Variants in NAALADL2 observed in about 807,000 individuals in gnomAD.
The protein encoded by NAALADL2 is N-acetylated alpha-linked acidic dipeptidase like 2.
A neutral mutation model predicts 87.2 loss-of-function variants in NAALADL2; 76 were observed. The observed-to-expected ratio is 0.87, with a 90% CI of 0.72 to 1.05. The LOEUF is 1.05. Among genes scored for constraint, NAALADL2 ranks in the 50% least tolerant of loss-of-function variants. The pLI, the probability that NAALADL2 is intolerant of heterozygous loss-of-function variation, is 0.00. For missense variants in NAALADL2, 1,089 were observed against 945.8 expected, an observed-to-expected ratio of 1.15 and a Z score of -1.99; for synonymous variants, 354 against 331.0, an observed-to-expected ratio of 1.07 and a Z score of -0.75.
intron 3 of NAALADL2, among the ~76,000 whole-genome samples, chr3:175,249,962 G>A (rs1313450522): frequency 6.6e-6 from 1 of 152,096 alleles, no homozygotes; most frequent in Non-Finnish European, 1.5e-5. Flanking sequence ...CTGAGGTCGG[G>A]AGTTCGAGAC....
At chr3:175,604,052 T>A (rs9844386) in intron 10 of NAALADL2, among the ~76,000 whole-genome samples, 113,120 of 151,994 alleles carry the variant, frequency 0.74, 42,379 homozygotes, top group East Asian at 0.88. Context: ...TTCTTTGGGG[T>A]ATATATCCAG....
chr3:175,133,353 T>C (rs1728524399), intron 2 of NAALADL2, among the ~76,000 whole-genome samples: 1 of 152,142 alleles, frequency 6.6e-6, no homozygotes, highest in Non-Finnish European at 1.5e-5. Context: ...CTCGGCACTT[T>C]GGGAGGCCAA....
intron 1 of NAALADL2, among the ~76,000 whole-genome samples, chr3:174,998,105 C>A (rs779147257): frequency 2.0e-5 from 3 of 152,120 alleles, no homozygotes; most frequent in Non-Finnish European, 4.4e-5. Context: ...TAGCAAATTA[C>A]TTAATTTGTT....
intron 2 of NAALADL2, among the ~76,000 whole-genome samples, chr3:175,185,769 C>T (rs943588004): frequency 5.2e-4 from 78 of 150,000 alleles, no homozygotes; most frequent in African/African-American, 1.7e-3. Flanking sequence ...ATTATATAAG[C>T]CTTTTGTATA....
intron 2 of NAALADL2, among the ~76,000 whole-genome samples, chr3:174,579,339 A>C (rs1715901950): frequency 6.6e-6 from 1 of 152,012 alleles, no homozygotes; most frequent in Non-Finnish European, 1.5e-5. Flanking sequence ...TGGATAAACA[A>C]TTTGTGCCAT....
chr3:175,256,753 T>G (rs1175627936), intron 4 of NAALADL2: 1 of 308,910 alleles, frequency 3.2e-6, no homozygotes, highest in African/African-American at 2.2e-5. Context: ...ATGCCCTTAT[T>G]TCTTTAGAGA....
chr3:175,199,856 ATATATATATTTTTTTTTTTTTTTT>A (rs1699409669), intron 2 of NAALADL2, among the ~76,000 whole-genome samples: 1 of 19,434 alleles, frequency 5.1e-5, no homozygotes, highest in Admixed American at 7.3e-4. Context: ...ATATATATAT[ATATATATATTTTTTTTTTTTTTTT>A]TTTTTTTTTT....
chr3:174,929,763 A>G (rs961009709), intron 1 of NAALADL2, among the ~76,000 whole-genome samples: 1 of 152,126 alleles, frequency 6.6e-6, no homozygotes, highest in African/African-American at 2.4e-5. Flanking sequence ...ATACATGAAA[A>G]TGAGCAGGCC....
At chr3:175,308,884 G>T (rs1336707068) in intron 4 of NAALADL2, among the ~76,000 whole-genome samples, 1 of 152,108 alleles carries the variant, frequency 6.6e-6, no homozygotes, top group Non-Finnish European at 1.5e-5. Flanking sequence ...AATTCTTTCT[G>T]TTCTTAATTG....
intron 2 of NAALADL2, among the ~76,000 whole-genome samples, chr3:174,704,694 TAAAA>T (rs562259278): frequency 2.7e-5 from 4 of 149,782 alleles, no homozygotes; most frequent in Non-Finnish European, 5.9e-5. Flanking sequence ...GGAAAATAGA[TAAAA>T]AAAAACTTCC....
chr3:174,539,977 GAAAAAAAAAA>G lies in NAALADL2; in HGVS notation c.-183-10571_-183-10562del, dbSNP rs57394560. 1.2e-3 allele frequency among the ~76,000 whole-genome samples: 59 copies of G among 51,206 alleles called. 1 individual carries two copies. The highest frequency in any genetic ancestry group is 3.5e-3 in the African/African-American group (56 of 15,852). The allele number at this position is 51,206 out of a possible 152,430, so 33.6% of individuals were successfully genotyped here. A position where few individuals can be genotyped will look rare whatever the true frequency, so the allele number is the denominator to read the frequency against. Reference sequence around the variant, plus strand: ...GCCAAGAGAGAATTAGGAAGTTCTGGAAAAAAAAAAAAAAAAAAAAAAAAAAAAAAGCTGC... The same window carrying G: ...GCCAAGAGAGAATTAGGAAGTTCTGGAAAAAAAAAAAAAAAAAAAAGCTGC... On this transcript the variant is annotated intron_variant, in intron 1 of 3. Transcript: ENST00000434257.
At chr3:175,569,136 A>G (rs1012386048) in intron 9 of NAALADL2, among the ~76,000 whole-genome samples, 1 of 152,162 alleles carries the variant, frequency 6.6e-6, no homozygotes, top group East Asian at 1.9e-4. Context: ...ACCCTTGGGC[A>G]TTAGGATCTT....
chr3:175,393,608 G>A (rs977453342), intron 5 of NAALADL2, among the ~76,000 whole-genome samples: 1 of 151,968 alleles, frequency 6.6e-6, no homozygotes, highest in Non-Finnish European at 1.5e-5. Context: ...CTCACCCTAT[G>A]CACTCTCTCA....
chr3:175,408,155 A>G (rs1712757813), intron 5 of NAALADL2, among the ~76,000 whole-genome samples: 1 of 152,116 alleles, frequency 6.6e-6, no homozygotes, highest in Non-Finnish European at 1.5e-5. Flanking sequence ...CATGTTGATC[A>G]AAGAGAACAA....
intron 5 of NAALADL2, among the ~76,000 whole-genome samples, chr3:175,340,613 A>C (rs149819748): frequency 2.6e-4 from 39 of 152,256 alleles, no homozygotes; most frequent in African/African-American, 9.4e-4. Flanking sequence ...TTGTGGCAGC[A>C]TGGCTTCTTC....
chr3:175,441,124 T>A (rs1022855912), intron 5 of NAALADL2, among the ~76,000 whole-genome samples: 2 of 151,966 alleles, frequency 1.3e-5, no homozygotes, highest in African/African-American at 4.8e-5. Flanking sequence ...AAATATACCA[T>A]TGGCTCTCCA....
chr3:175,759,328 T>C (rs113204920), intron 13 of NAALADL2, among the ~76,000 whole-genome samples: 3,325 of 152,208 alleles, frequency 0.022, 115 homozygotes, highest in African/African-American at 0.076. Context: ...AGAGAAAGTA[T>C]TGTCTTGTGG....
chr3:174,962,371 C>CATATATATAT (rs140830010), intron 1 of NAALADL2, among the ~76,000 whole-genome samples: 4 of 75,738 alleles, frequency 5.3e-5, no homozygotes, highest in South Asian at 7.0e-4. Context: ...GTGACTATGA[C>CATATATATAT]ATATATATAT....
At chr3:174,963,385 T>TTATA (rs1472069845) in intron 1 of NAALADL2, among the ~76,000 whole-genome samples, 1 of 152,110 alleles carries the variant, frequency 6.6e-6, no homozygotes, top group Admixed American at 6.6e-5. Flanking sequence ...AATGTGAATA[T>TTATA]TATAGATTGT....
Sources: allele counts gnomAD v4.1 joint callset (sites outside exome capture counted in the v4.1 genomes callset), GRCh38; gene constraint gnomAD v4.1.1; transcripts MANE v1.5; gene names NCBI Gene and HGNC (gene_info 2026-07-23, HGNC 2026-07-21).